ENTREP1: variants seen among roughly 807,000 people sequenced by gnomAD.
ENTREP1 encodes the protein Friedreich ataxia region gene X123.
chr9:69,379,226 G>A, the ENTREP1 span, among the ~76,000 whole-genome samples: 9 of 152,222 alleles, frequency 5.9e-5, no homozygotes. Flanking sequence ...CAGGGTGATG[G>A]TATGTGACTT....
the ENTREP1 span, among the ~76,000 whole-genome samples, chr9:69,359,970 C>CTTTTTTTTTTT: frequency 7.8e-6 from 1 of 128,582 alleles, no homozygotes. Flanking sequence ...TCTTATTTTG[C>CTTTTTTTTTTT]TTTTTTTTTT....
chr9:69,329,163 A>C, the ENTREP1 span, among the ~76,000 whole-genome samples: 2 of 152,222 alleles, frequency 1.3e-5, no homozygotes, highest in African/African-American at 4.8e-5. Flanking sequence ...AGGTTACTTC[A>C]AACCCACATA....
At chr9:69,388,517 T>G in the ENTREP1 span, 2 of 1,241,822 alleles carry the variant, frequency 1.6e-6, no homozygotes, top group Non-Finnish European at 2.2e-6. Context: ...AAGTGGCTTC[T>G]CCGCTTTCTT....
the ENTREP1 span, chr9:69,375,855 T>C: frequency 6.2e-7 from 1 of 1,613,782 alleles, no homozygotes; most frequent in Non-Finnish European, 8.5e-7. Context: ...CTGTTCACCT[T>C]CTACTTAAGG....
chr9:69,327,293 A>G, the ENTREP1 span, among the ~76,000 whole-genome samples: 1 of 152,180 alleles, frequency 6.6e-6, no homozygotes, highest in Non-Finnish European at 1.5e-5. Context: ...CAGGAAAACT[A>G]CAGAAGGATG....
the ENTREP1 span, chr9:69,388,429 A>T: frequency 1.2e-6 from 2 of 1,601,316 alleles, no homozygotes; most frequent in Non-Finnish European, 1.7e-6. Context: ...AAGCCATCAC[A>T]AGTGCCAGTT....
the ENTREP1 span, among the ~76,000 whole-genome samples, chr9:69,330,056 A>G: frequency 1.1e-5 from 1 of 94,458 alleles, no homozygotes; most frequent in Non-Finnish European, 2.1e-5. Flanking sequence ...GTTAATGTTA[A>G]CTAGATTCCA....
chr9:69,380,606 G>A, the ENTREP1 span: 11 of 152,304 alleles, frequency 7.2e-5, no homozygotes, highest in South Asian at 1.0e-3. Flanking sequence ...TCCAAAGATG[G>A]GTTCGCTACT....
chr9:69,354,909 A>G, the ENTREP1 span, among the ~76,000 whole-genome samples: 1 of 152,234 alleles, frequency 6.6e-6, no homozygotes. Flanking sequence ...TCCCCACACC[A>G]TATCCATTAA....
chr9:69,390,662 C>G, the ENTREP1 span, among the ~76,000 whole-genome samples: 1 of 152,148 alleles, frequency 6.6e-6, no homozygotes. Context: ...TTTTTTGAAA[C>G]AAGGTCTCCG....
At chr9:69,371,655 T>G in the ENTREP1 span, 7 of 1,256,846 alleles carry the variant, frequency 5.6e-6, no homozygotes, top group African/African-American at 8.8e-5. Flanking sequence ...AGACCCTGGC[T>G]TGTCAGGTGT....
the ENTREP1 span, among the ~76,000 whole-genome samples, chr9:69,349,253 A>AT: frequency 6.6e-6 from 1 of 151,002 alleles, no homozygotes; most frequent in Non-Finnish European, 1.5e-5. Context: ...TTAGTGTACA[A>AT]TTTTTTTGTG....
At chr9:69,346,238 C>T in the ENTREP1 span, among the ~76,000 whole-genome samples, 3 of 151,970 alleles carry the variant, frequency 2.0e-5, no homozygotes, top group African/African-American at 4.8e-5. Context: ...CTACCTAGGC[C>T]TCCCTAAGTG....
the ENTREP1 span, among the ~76,000 whole-genome samples, chr9:69,368,200 C>T: frequency 4.0e-5 from 6 of 151,880 alleles, no homozygotes; most frequent in Admixed American, 6.6e-5. Flanking sequence ...TTCTCTTTCC[C>T]GATTGCTCTG....
At chr9:69,373,320 T>C in the ENTREP1 span, among the ~76,000 whole-genome samples, 1 of 152,132 alleles carries the variant, frequency 6.6e-6, no homozygotes, top group African/African-American at 2.4e-5. Context: ...AATGAAACCT[T>C]TTTGGGCAAG....
chr9:69,353,629 G>A, the ENTREP1 span, among the ~76,000 whole-genome samples: 1 of 152,074 alleles, frequency 6.6e-6, no homozygotes, highest in Non-Finnish European at 1.5e-5. Context: ...TTCCCCACTT[G>A]GTTCACAATC....
the ENTREP1 span, chr9:69,382,934 G>A: frequency 2.6e-6 from 2 of 772,324 alleles, no homozygotes; most frequent in South Asian, 1.2e-4. Flanking sequence ...GCTTTTATAT[G>A]TATTTTATAA....
chr9:69,347,035 G>A, the ENTREP1 span, among the ~76,000 whole-genome samples: 1 of 152,214 alleles, frequency 6.6e-6, no homozygotes, highest in African/African-American at 2.4e-5. Flanking sequence ...AGGACGGATT[G>A]GAGCACCCTG....
the ENTREP1 span, among the ~76,000 whole-genome samples, chr9:69,326,465 C>T: frequency 6.6e-6 from 1 of 152,084 alleles, no homozygotes; most frequent in African/African-American, 2.4e-5. Flanking sequence ...GTCTGCTCTA[C>T]AGGACCCACT....
Sources: gnomAD v4.1 joint callset for allele counts (sites outside exome capture counted in the v4.1 genomes callset) on GRCh38, gnomAD v4.1.1 for gene constraint, MANE v1.5 for transcripts, NCBI Gene and HGNC (gene_info 2026-07-23, HGNC 2026-07-21) for gene names.